The following SAMMSON variants were observed in gnomAD, a reference collection of about 807,000 sequenced individuals.
The protein encoded by SAMMSON is survival associated mitochondrial melanoma specific oncogenic non-coding RNA.
intron 7 of SAMMSON, among the ~76,000 whole-genome samples, chr3:70,315,711 G>A (rs967750164): frequency 1.3e-5 from 2 of 152,000 alleles, no homozygotes; most frequent in Non-Finnish European, 2.9e-5. Context: ...CTGGGCCTTG[G>A]AATGAACAAA....
chr3:70,227,204 A>G (rs1701516348), intron 4 of SAMMSON, among the ~76,000 whole-genome samples: 1 of 152,206 alleles, frequency 6.6e-6, no homozygotes, highest in Non-Finnish European at 1.5e-5. Context: ...AGGATGAATT[A>G]GAAAGGAAAT....
intron 4 of SAMMSON, among the ~76,000 whole-genome samples, chr3:70,166,912 G>T (rs773179512): frequency 2.0e-5 from 3 of 151,932 alleles, no homozygotes; most frequent in Non-Finnish European, 4.4e-5. Context: ...TATTTTATAG[G>T]CATTATTCTC....
At chr3:70,373,425 C>G (rs2106747254) in intron 9 of SAMMSON, among the ~76,000 whole-genome samples, 1 of 152,114 alleles carries the variant, frequency 6.6e-6, no homozygotes, top group African/African-American at 2.4e-5. Flanking sequence ...AGAAGTTTGA[C>G]TGTAATATGT....
chr3:70,115,538 A>G (rs1027641729), intron 4 of SAMMSON, among the ~76,000 whole-genome samples: 1 of 152,138 alleles, frequency 6.6e-6, no homozygotes, highest in African/African-American at 2.4e-5. Context: ...TTGTTTAGAG[A>G]GTCAGAGATA....
intron 2 of SAMMSON, among the ~76,000 whole-genome samples, chr3:70,428,131 C>G (rs1386717028): frequency 1.3e-5 from 2 of 152,098 alleles, no homozygotes; most frequent in African/African-American, 4.8e-5. Context: ...TATATTTTGG[C>G]TCATGAGTCA....
rs1331803834 is a variant in SAMMSON, at chr3:70,136,179, C to T, written n.507+64614C>T. Among the ~76,000 whole-genome samples, 2 of 152,150 alleles carry T rather than the reference C, an allele frequency of 1.3e-5. 1 individual carries two copies. The highest frequency in any genetic ancestry group is 3.9e-4 in the East Asian group (2 of 5,192). On this transcript the variant is annotated intron_variant and non_coding_transcript_variant, in intron 4 of 9. Coordinates refer to ENST00000642114, the Ensembl canonical transcript of SAMMSON. ...AGTTGCCAGCTTCCAAGATGGTGCCCAATGATTGTTGCTTCCTGGTATTCA... is the reference window on the plus strand; with the variant it reads ...AGTTGCCAGCTTCCAAGATGGTGCCTAATGATTGTTGCTTCCTGGTATTCA...
At chr3:70,208,448 A>T (rs566302843) in intron 4 of SAMMSON, among the ~76,000 whole-genome samples, 1 of 152,164 alleles carries the variant, frequency 6.6e-6, no homozygotes, top group African/African-American at 2.4e-5. Flanking sequence ...TTCTAAGGCA[A>T]TGGGTTCTAG....
rs140136182 is a variant in SAMMSON at position 70,356,778 on chromosome 3, C to A, written n.843-1476C>A. ...TAAGAATACCAATCCCAGGCTGTCT[C>A]TCTTTCTAATTTGCTGTGGGCTGGG... is the stretch of plus-strand genomic sequence containing the variant. On this transcript the variant is annotated intron_variant and non_coding_transcript_variant, in intron 8 of 9. Transcript: ENST00000642114. Among the ~76,000 whole-genome samples, 700 of 152,120 alleles carry A rather than the reference C, an allele frequency of 4.6e-3. 23 individuals are homozygous for A. The highest frequency in any genetic ancestry group is 0.041 in the Admixed American group (619 of 15,258).
intron 2 of SAMMSON, among the ~76,000 whole-genome samples, chr3:70,410,363 T>A (rs1456584373): frequency 6.6e-6 from 1 of 152,204 alleles, no homozygotes; most frequent in African/African-American, 2.4e-5. Flanking sequence ...CTCTAATCAT[T>A]GCTCTTGGGC....
chr3:70,377,992 G>C (rs1703035414), intron 9 of SAMMSON, among the ~76,000 whole-genome samples: 1 of 151,996 alleles, frequency 6.6e-6, no homozygotes, highest in Non-Finnish European at 1.5e-5. Flanking sequence ...TTGATGGTGG[G>C]ATTGTTTATT....
intron 4 of SAMMSON, among the ~76,000 whole-genome samples, chr3:70,137,367 G>T (rs975640123): frequency 6.6e-6 from 1 of 152,142 alleles, no homozygotes; most frequent in Non-Finnish European, 1.5e-5. Context: ...TTTTTATATG[G>T]TTTATGAGCT....
At chr3:70,273,571 G>A (rs927731538) in intron 6 of SAMMSON, among the ~76,000 whole-genome samples, 1 of 151,994 alleles carries the variant, frequency 6.6e-6, no homozygotes, top group African/African-American at 2.4e-5. Flanking sequence ...GAGCTATGAG[G>A]ACATTAAAAA....
At chr3:70,416,254 T>C (rs768838629) in intron 2 of SAMMSON, among the ~76,000 whole-genome samples, 2 of 152,220 alleles carry the variant, frequency 1.3e-5, no homozygotes, top group Non-Finnish European at 2.9e-5. Context: ...CTTTTTCTTA[T>C]GAAATAGCTT....
At chr3:70,037,999 T>A (rs1021373507) in intron 3 of SAMMSON, among the ~76,000 whole-genome samples, 1 of 152,170 alleles carries the variant, frequency 6.6e-6, no homozygotes, top group Non-Finnish European at 1.5e-5. Context: ...TCAGAGAATA[T>A]GGCTTAGCAA....
At chr3:70,173,321 CAATT>C (rs1197439066) in intron 4 of SAMMSON, among the ~76,000 whole-genome samples, 1 of 151,824 alleles carries the variant, frequency 6.6e-6, no homozygotes, top group Non-Finnish European at 1.5e-5. Context: ...CTGCATTAAT[CAATT>C]GAGTTTAATT....
At chr3:70,348,718 G>A (rs1702770610) in intron 7 of SAMMSON, among the ~76,000 whole-genome samples, 1 of 152,168 alleles carries the variant, frequency 6.6e-6, no homozygotes, top group African/African-American at 2.4e-5. Context: ...GCCTAGAGCA[G>A]AGAGTGTGAT....
intron 3 of SAMMSON, among the ~76,000 whole-genome samples, chr3:70,026,084 A>T (rs2067036078): frequency 1.3e-5 from 2 of 152,122 alleles, no homozygotes. Context: ...AAAAAGAGAA[A>T]ATAATTTTGG....
chr3:70,431,866 G>A (rs1354268740), intron 2 of SAMMSON, among the ~76,000 whole-genome samples: 5 of 151,784 alleles, frequency 3.3e-5, no homozygotes, highest in African/African-American at 7.3e-5. Flanking sequence ...GATTTCTTTC[G>A]CTTAACAAAA....
At chr3:70,225,074 G>T (rs1559539274) in intron 4 of SAMMSON, among the ~76,000 whole-genome samples, 1 of 152,204 alleles carries the variant, frequency 6.6e-6, no homozygotes, top group East Asian at 1.9e-4. Context: ...TTGGGTGTTG[G>T]AAAGTTACAG....
Sources: gnomAD v4.1 joint callset for allele counts (sites outside exome capture counted in the v4.1 genomes callset) on GRCh38, gnomAD v4.1.1 for gene constraint, MANE v1.5 for transcripts, NCBI Gene and HGNC (gene_info 2026-07-23, HGNC 2026-07-21) for gene names.